Variants in CNTNAP2 observed in about 807,000 individuals in gnomAD.
CNTNAP2 encodes the protein contactin associated protein 2, also known as contactin-associated protein-like 2.
In CNTNAP2, 98 loss-of-function variants were observed where a neutral mutation model predicts 155.2. The observed-to-expected ratio is 0.63, with a 90% CI of 0.54 to 0.75. CNTNAP2 has a LOEUF of 0.75. CNTNAP2 is among the 30% of genes least tolerant of loss of function. The pLI is 0.00. For synonymous variants in CNTNAP2, 651 were observed against 631.2 expected, an observed-to-expected ratio of 1.03 and a Z score of -0.47; for missense variants, 1,727 against 1,688.1, an observed-to-expected ratio of 1.02 and a Z score of -0.40.
At chr7:146,966,757 C>T (rs1797666725) in intron 3 of CNTNAP2, among the ~76,000 whole-genome samples, 1 of 152,198 alleles carries the variant, frequency 6.6e-6, no homozygotes, top group Non-Finnish European at 1.5e-5. Flanking sequence ...AGCTTCAGAT[C>T]AACCAGACCA....
At chr7:148,210,567 G>A (rs1795529184) in intron 18 of CNTNAP2, among the ~76,000 whole-genome samples, 1 of 152,216 alleles carries the variant, frequency 6.6e-6, no homozygotes, top group Admixed American at 6.5e-5. Flanking sequence ...TCACACTTGT[G>A]TCTTGTGGGC....
At chr7:148,355,009 A>G (rs1002845255) in intron 21 of CNTNAP2, among the ~76,000 whole-genome samples, 1 of 152,152 alleles carries the variant, frequency 6.6e-6, no homozygotes, top group Non-Finnish European at 1.5e-5. Context: ...GCTTGGCTTT[A>G]CATGAGATGT....
At chr7:146,395,674 G>A (rs1267263425) in intron 1 of CNTNAP2, among the ~76,000 whole-genome samples, 1 of 151,992 alleles carries the variant, frequency 6.6e-6, no homozygotes, top group Admixed American at 6.6e-5. Flanking sequence ...AAGTGCATTC[G>A]ATGTAAATAA....
intron 3 of CNTNAP2, among the ~76,000 whole-genome samples, chr7:146,992,267 G>T (rs1053622280): frequency 6.6e-6 from 1 of 152,066 alleles, no homozygotes; most frequent in African/African-American, 2.4e-5. Flanking sequence ...TCCCATGAGC[G>T]TTAGTAAAGA....
chr7:147,512,631 T>C (rs1259078234), intron 11 of CNTNAP2, among the ~76,000 whole-genome samples: 1 of 152,196 alleles, frequency 6.6e-6, no homozygotes, highest in African/African-American at 2.4e-5. Context: ...TTTATTCTTA[T>C]TTAAAGAACC....
At chr7:147,198,336 ATT>A (rs1193521086) in intron 8 of CNTNAP2, among the ~76,000 whole-genome samples, 1 of 148,912 alleles carries the variant, frequency 6.7e-6, no homozygotes, top group African/African-American at 2.5e-5. Flanking sequence ...GGTTCCAGCA[ATT>A]TTCCTGCCTC....
rs569958749 is a variant in CNTNAP2, at chr7:146,779,853, G to A, written c.208+5472G>A. Among the ~76,000 whole-genome samples, 8 of 152,146 alleles carry A rather than the reference G, an allele frequency of 5.3e-5. No homozygotes were observed. The South Asian group carries it at 6.2e-4, about 12-fold the overall frequency. ...AGCAGGGAAAACACATTGCACTTGC[G>A]GTCACATAATTAATAATCACTTATC... On this transcript the variant is annotated intron_variant, in intron 2 of 23. Coordinates refer to ENST00000361727, the MANE Select transcript of CNTNAP2 (RefSeq NM_014141.6).
intron 1 of CNTNAP2, among the ~76,000 whole-genome samples, chr7:146,681,824 T>C (rs2533121): frequency 0.098 from 14,863 of 152,152 alleles, 2,250 homozygotes; most frequent in African/African-American, 0.32. Flanking sequence ...AATATGTTAA[T>C]GTGTTATATT....
At chr7:146,306,505 C>T (rs1021014910) in intron 1 of CNTNAP2, among the ~76,000 whole-genome samples, 2 of 152,114 alleles carry the variant, frequency 1.3e-5, no homozygotes, top group African/African-American at 4.8e-5. Context: ...CAATAAAATA[C>T]TGGCAAACTC....
chr7:147,564,194 AT>A (rs1465194700), intron 12 of CNTNAP2, among the ~76,000 whole-genome samples: 1 of 152,156 alleles, frequency 6.6e-6, no homozygotes, highest in Non-Finnish European at 1.5e-5. Context: ...AAATAAAAAA[AT>A]AAAATGGGAA....
chr7:147,625,013 CA>C (rs1794942673), intron 12 of CNTNAP2, among the ~76,000 whole-genome samples: 1 of 152,062 alleles, frequency 6.6e-6, no homozygotes, highest in Admixed American at 6.6e-5. Flanking sequence ...CACAGAAAGA[CA>C]AACATCACAT....
intron 1 of CNTNAP2, among the ~76,000 whole-genome samples, chr7:146,579,461 C>T (rs1259148520): frequency 6.6e-6 from 1 of 152,064 alleles, no homozygotes; most frequent in Non-Finnish European, 1.5e-5. Flanking sequence ...TCTTTGTGTG[C>T]CAAAATGCCA....
intron 1 of CNTNAP2, among the ~76,000 whole-genome samples, chr7:146,417,501 T>A (rs1795954074): frequency 6.6e-6 from 1 of 152,196 alleles, no homozygotes; most frequent in African/African-American, 2.4e-5. Flanking sequence ...AAGTTAAACA[T>A]GAAGACAACT....
At chr7:146,941,391 C>T (rs1797053572) in intron 3 of CNTNAP2, among the ~76,000 whole-genome samples, 1 of 152,118 alleles carries the variant, frequency 6.6e-6, no homozygotes, top group African/African-American at 2.4e-5. Context: ...CTCTACTTCC[C>T]CTCTACATTT....
chr7:146,889,573 GTCT>G (rs1375024991), intron 3 of CNTNAP2, among the ~76,000 whole-genome samples: 2 of 151,912 alleles, frequency 1.3e-5, no homozygotes, highest in African/African-American at 2.4e-5. Context: ...ATTCTGCATG[GTCT>G]TCTTATTTTA....
chr7:147,246,730 C>G (rs541654442), intron 8 of CNTNAP2, among the ~76,000 whole-genome samples: 1 of 152,154 alleles, frequency 6.6e-6, no homozygotes, highest in Non-Finnish European at 1.5e-5. Flanking sequence ...AAATCAGCAA[C>G]TTAAATGTAA....
intron 8 of CNTNAP2, among the ~76,000 whole-genome samples, chr7:147,207,567 A>T (rs1023466385): frequency 4.6e-5 from 7 of 152,150 alleles, no homozygotes; most frequent in Non-Finnish European, 1.0e-4. Flanking sequence ...AATTTTCTAG[A>T]CATAGTTCTA....
intron 21 of CNTNAP2, among the ~76,000 whole-genome samples, chr7:148,382,481 G>A (rs970922677): frequency 9.2e-5 from 7 of 76,296 alleles, no homozygotes; most frequent in African/African-American, 2.3e-4. Flanking sequence ...CTATGAAATG[G>A]AGCGGGAGTC....
chr7:147,309,797 C>G (rs1795090091), intron 9 of CNTNAP2, among the ~76,000 whole-genome samples: 1 of 151,964 alleles, frequency 6.6e-6, no homozygotes, highest in Non-Finnish European at 1.5e-5. Flanking sequence ...TAAATTATGT[C>G]TCATGGGGGT....
Sources: gnomAD v4.1 joint callset for allele counts (sites outside exome capture counted in the v4.1 genomes callset) on GRCh38, gnomAD v4.1.1 for gene constraint, MANE v1.5 for transcripts, NCBI Gene and HGNC (gene_info 2026-07-23, HGNC 2026-07-21) for gene names.